SPTBN1: variants seen among roughly 807,000 people sequenced by gnomAD.
SPTBN1 encodes spectrin beta, non-erythrocytic 1.
A neutral mutation model predicts 266.4 loss-of-function variants in SPTBN1; 32 were observed. The observed-to-expected ratio is 0.12, with a 90% confidence interval of 0.09 to 0.16. The LOEUF (loss-of-function observed/expected upper bound fraction) is 0.16, where lower values mean the gene tolerates loss of function less well. Ranked by LOEUF, SPTBN1 falls within the 10% of genes least tolerant of loss-of-function variation. The probability of loss-of-function intolerance (pLI) is 1.00; values close to 1 mark genes in which losing one functional copy is unlikely to be tolerated. For missense variants in SPTBN1, 2,296 were observed against 3,067.1 expected, an observed-to-expected ratio of 0.75 and a Z score of 5.94; for synonymous variants, 1,336 against 1,162.2, an observed-to-expected ratio of 1.15 and a Z score of -3.04.
rs1553455349 is a variant in SPTBN1, at chr2:54,594,833, C to CTTTTTTCTT, written c.149-4253_149-4252insCTTTTTTTT. Among the ~76,000 whole-genome samples, 166 of 104,678 alleles carry CTTTTTTCTT rather than the reference C, an allele frequency of 1.6e-3. 8 individuals carry two copies. The South Asian group carries it at 0.039, about 25-fold the overall frequency. The allele number at this position is 104,678 out of a possible 152,430, so 68.7% of individuals were successfully genotyped here. A position where few individuals can be genotyped will look rare whatever the true frequency, so the allele number is the denominator to read the frequency against. On this transcript the variant is annotated intron_variant, in intron 2 of 35. Transcript: ENST00000356805. ...GATTCCATGACCCTCTGGTAAGTTT[C>CTTTTTTCTT]TTTTTTTTTTTTTTTTTTGAGACAG...
intron 2 of SPTBN1, among the ~76,000 whole-genome samples, chr2:54,595,885 C>T (rs1007012033): frequency 6.6e-6 from 1 of 152,196 alleles, no homozygotes; most frequent in African/African-American, 2.4e-5. Flanking sequence ...TGACCATCAA[C>T]ACTGTATGTA....
chr2:54,591,042 A>G (rs1675647288), intron 2 of SPTBN1, among the ~76,000 whole-genome samples: 1 of 152,230 alleles, frequency 6.6e-6, no homozygotes, highest in African/African-American at 2.4e-5. Context: ...ACACGCAAAA[A>G]TAGATTGTCA....
intron 19 of SPTBN1, 128 bp from the exon 20 acceptor site, chr2:54,644,195 G>A: frequency 8.3e-7 from 1 of 1,198,274 alleles, no homozygotes; most frequent in Non-Finnish European, 1.2e-6. Context: ...GTAACTTCAT[G>A]TGGAAAGACT....
In SPTBN1 at chr2:54,631,353, G is replaced by A. The variant is rs138292943; in HGVS notation, c.3306G>A (p.Thr1102=). 1.5e-4 allele frequency: 242 copies of A among 1,614,244 alleles called. No homozygotes were observed. The highest frequency in any genetic ancestry group is 8.2e-4 in the Middle Eastern group (5 of 6,062). Residue 1102 remains threonine, a synonymous_variant, in exon 16 of 36, where the codon ACG becomes ACA. Transcript: ENST00000356805. ...NTLTEAEKLL[T]QHENIKNEID... is the part of the protein sequence containing the mutation. ...TGACCGAGGCTGAGAAGCTGCTCAC[G>A]CAGCACGAGAACATCAAGAACGAGA...
chr2:54,499,590 C>G (rs1246069933), intron 1 of SPTBN1, among the ~76,000 whole-genome samples: 1 of 152,160 alleles, frequency 6.6e-6, no homozygotes, highest in African/African-American at 2.4e-5. Context: ...CACAGCCCAG[C>G]CACTGACATA....
At position 54,526,531 on chromosome 2, in the gene SPTBN1, G is replaced by A. The variant is rs921219631; in HGVS notation, c.113G>A (p.Arg38Gln). ...TGGGACAATGAGAACAGCTCTGCGC[G>A]GCTTTTTGAGCGGTCCCGCATCAAG... ...DDWDNENSSARLFERSRIKAL... is the reference protein window; with the variant it reads ...DDWDNENSSAQLFERSRIKAL... Residue 38 changes from arginine (R) to glutamine (Q), a missense_variant, in exon 2 of 36, where the codon CGG becomes CAG. This residue lies in a region of SPTBN1 where 178 missense variants were observed against 375.7 expected (regional missense o/e 0.47). Coordinates refer to ENST00000356805, the MANE Select transcript of SPTBN1 (RefSeq NM_003128.3). 3.1e-6 allele frequency: 5 copies of A among 1,614,072 alleles called. No individual in the cohort carries two copies. Among genetic ancestry groups the A allele is most frequent in the Non-Finnish European group, 4.2e-6 (5 of 1,179,980 alleles).
Position 54,645,724 on chromosome 2 carries a change from C to A in SPTBN1, c.4495-204C>A, listed in dbSNP as rs1679882448. On this transcript the variant is annotated intron_variant, in intron 21 of 35. Coordinates refer to ENST00000356805, the MANE Select transcript of SPTBN1 (RefSeq NM_003128.3). This position sits in a 1 kb window ranked among gnomAD's most constrained non-coding sequence, Gnocchi z 4.3. ...TAATGAGGACTCACAGTGAGTTTGA[C>A]CTTGAGGATGAGGTAGAGTTGGAAA... Among the ~76,000 whole-genome samples the A allele has an allele frequency of 6.6e-6, 1 of 152,158 alleles. No individual in the cohort carries two copies. The highest frequency in any genetic ancestry group is 2.1e-4 in the South Asian group (1 of 4,832).
At chr2:54,662,642 G>T (rs1247840241) in intron 32 of SPTBN1, 1 of 152,138 alleles carries the variant, frequency 6.6e-6, no homozygotes, top group African/African-American at 2.4e-5. Context: ...AGGCCTTCCA[G>T]ACCAAACTCA....
At chr2:54,527,873 T>A (rs866015888) in intron 2 of SPTBN1, 60 of 152,346 alleles carry the variant, frequency 3.9e-4, no homozygotes, top group African/African-American at 1.3e-3. Context: ...GATGCACCCC[T>A]TAGAGTGAAA....
At position 54,637,156 on chromosome 2, in the gene SPTBN1, G is replaced by A. The variant is rs139266958; in HGVS notation, c.3768-557G>A. The stretch of plus-strand genomic sequence containing the variant: ...TGTGTTTTAACTTCTTTGAGCTTTA[G>A]TTACCCTTATCAATTGATTAAAAGT... On this transcript the variant is annotated intron_variant, in intron 17 of 35. Transcript: ENST00000356805. Among the ~76,000 whole-genome samples, 1,099 of 152,168 alleles carry A rather than the reference G, an allele frequency of 7.2e-3. 14 individuals carry two copies. The highest frequency in any genetic ancestry group is 0.024 in the African/African-American group (1,008 of 41,498).
intron 6 of SPTBN1, 93 bp downstream of exon 6, chr2:54,617,781 T>A: frequency 1.6e-6 from 2 of 1,245,958 alleles, no homozygotes; most frequent in Non-Finnish European, 2.3e-6. Flanking sequence ...TCCGTTGGCT[T>A]AACTGTCTCA....
chr2:54,659,702 C>T (rs969677651), intron 31 of SPTBN1, among the ~76,000 whole-genome samples: 1 of 152,144 alleles, frequency 6.6e-6, no homozygotes, highest in Non-Finnish European at 1.5e-5. Flanking sequence ...TCCATGGCAA[C>T]CTCTAATGCT....
At chr2:54,488,770 T>C (rs1558771651) in intron 1 of SPTBN1, among the ~76,000 whole-genome samples, 1 of 152,164 alleles carries the variant, frequency 6.6e-6, no homozygotes, top group African/African-American at 2.4e-5. Context: ...ACAGAATTTT[T>C]CACACTCTTC....
At position 54,646,397 on chromosome 2, in the gene SPTBN1, G is replaced by C. The variant is rs1175300049; in HGVS notation, c.4788G>C (p.Gln1596His). 6.2e-7 allele frequency: 1 copy of C among 1,608,762 alleles called. No individual in the cohort carries two copies. The highest frequency in any genetic ancestry group is 8.5e-7 in the Non-Finnish European group (1 of 1,177,726). The change falls in exon 23 of 36, where the codon CAG (glutamine) becomes CAC (histidine). Residue 1596 changes from glutamine (Q) to histidine (H), a missense_variant. Physicochemically the swap from Gln to His is conservative, Grantham distance 24. This residue lies in a region of SPTBN1 where 644 missense variants were observed against 745.3 expected (regional missense o/e 0.86). Transcript: ENST00000356805. The surrounding 1 kb of genome is among the most constrained non-coding windows in gnomAD (Gnocchi z 4.4). Reference protein sequence around the residue: ...RRLEEAHRAQQYYFDAAEAEA... With the variant: ...RRLEEAHRAQHYYFDAAEAEA... ...TGGAGGAGGCGCACAGGGCCCAGCA[G>C]TACTACTTTGACGCTGCTGAGGCCG...
chr2:54,529,858 A>C, intron 2 of SPTBN1: 2 of 176,140 alleles, frequency 1.1e-5, no homozygotes, highest in South Asian at 5.6e-5. Context: ...TCACCAAAAA[A>C]AAAAAAAAAA....
intron 2 of SPTBN1, among the ~76,000 whole-genome samples, chr2:54,562,852 C>T (rs1673407490): frequency 6.6e-6 from 1 of 152,034 alleles, no homozygotes; most frequent in African/African-American, 2.4e-5. Context: ...GCCACTGCAC[C>T]CGGCCTAGAA....
chr2:54,519,818 C>G (rs1670329434), intron 1 of SPTBN1, among the ~76,000 whole-genome samples: 1 of 152,120 alleles, frequency 6.6e-6, no homozygotes, highest in Non-Finnish European at 1.5e-5. Context: ...GGAACTAACT[C>G]ATGAGATTTT....
intron 1 of SPTBN1, among the ~76,000 whole-genome samples, chr2:54,488,351 C>T (rs1668513827): frequency 6.6e-6 from 1 of 152,086 alleles, no homozygotes; most frequent in Non-Finnish European, 1.5e-5. Context: ...TTCGGAGGTC[C>T]CTTGCACCCC....
intron 2 of SPTBN1, among the ~76,000 whole-genome samples, chr2:54,560,485 C>T (rs1673224474): frequency 6.6e-6 from 1 of 152,120 alleles, no homozygotes; most frequent in Non-Finnish European, 1.5e-5. Context: ...TTTAAAACTG[C>T]TCGCCGAGAA....
Sources: allele counts gnomAD v4.1 joint callset (sites outside exome capture counted in the v4.1 genomes callset), GRCh38; gene constraint gnomAD v4.1.1; regional missense constraint gnomAD v4.1.1; non-coding constraint Gnocchi (gnomAD v3.1); transcripts MANE v1.5; gene names NCBI Gene and HGNC (gene_info 2026-07-23, HGNC 2026-07-21).